ADAMTS6: variants seen among roughly 807,000 people sequenced by gnomAD.
ADAMTS6 encodes the protein ADAM metallopeptidase with thrombospondin type 1 motif 6.
Under a neutral mutation model 144.3 loss-of-function variants are expected in ADAMTS6, and 23 were observed. The observed-to-expected ratio is 0.16, with a 90% CI of 0.11 to 0.23. The LOEUF is 0.23. Among genes scored for constraint, ADAMTS6 ranks in the 10% least tolerant of loss-of-function variants. The pLI, the probability that ADAMTS6 is intolerant of heterozygous loss-of-function variation, is 1.00. For missense variants in ADAMTS6, 999 were observed against 1,379.6 expected, an observed-to-expected ratio of 0.72 and a Z score of 4.37; for synonymous variants, 444 against 457.5, an observed-to-expected ratio of 0.97 and a Z score of 0.38.
At chr5:65,224,889 A>G in intron 17 of ADAMTS6, 35 bp downstream of exon 17, 1 of 1,588,674 alleles carries the variant, frequency 6.3e-7, no homozygotes, top group Non-Finnish European at 8.5e-7. Context: ...CAAGTACACC[A>G]GAGGTGTGAG....
At chr5:65,245,529 A>C (rs1759551047) in intron 14 of ADAMTS6, among the ~76,000 whole-genome samples, 1 of 152,116 alleles carries the variant, frequency 6.6e-6, no homozygotes, top group African/African-American at 2.4e-5. Context: ...CCATGTAATC[A>C]ATTTCCTGCA....
intron 15 of ADAMTS6, among the ~76,000 whole-genome samples, chr5:65,228,957 A>G (rs1483904383): frequency 6.6e-6 from 1 of 152,214 alleles, no homozygotes; most frequent in Admixed American, 6.5e-5. Flanking sequence ...TGTTTTGCCT[A>G]TGGGCCACCT....
At chr5:65,210,837 G>A in intron 20 of ADAMTS6, 1 of 400,646 alleles carries the variant, frequency 2.5e-6, no homozygotes, top group South Asian at 4.1e-5. Context: ...TGGGGAAGAT[G>A]TATAAGAAAG....
intron 10 of ADAMTS6, among the ~76,000 whole-genome samples, chr5:65,295,680 A>G (rs1303940205): frequency 1.3e-5 from 2 of 152,074 alleles, no homozygotes; most frequent in Non-Finnish European, 2.9e-5. Context: ...CCTAGTTAAT[A>G]TCGACAGCAA....
intron 7 of ADAMTS6, among the ~76,000 whole-genome samples, chr5:65,422,191 T>C (rs531408101): frequency 7.9e-5 from 12 of 151,988 alleles, no homozygotes; most frequent in Non-Finnish European, 1.6e-4. Context: ...GGCCAAAAAA[T>C]ATATGAAAAA....
intron 7 of ADAMTS6, among the ~76,000 whole-genome samples, chr5:65,404,041 A>T (rs1221814687): frequency 6.6e-6 from 1 of 152,158 alleles, no homozygotes; most frequent in East Asian, 1.9e-4. Flanking sequence ...TTGGCAATGA[A>T]ATCCAGAGAT....
intron 22 of ADAMTS6, among the ~76,000 whole-genome samples, chr5:65,181,325 T>C (rs1321874594): frequency 6.6e-6 from 1 of 152,230 alleles, no homozygotes; most frequent in African/African-American, 2.4e-5. Context: ...CCACTTGTTT[T>C]AATCCTCTTC....
At chr5:65,371,713 G>C (rs1004410125) in intron 7 of ADAMTS6, among the ~76,000 whole-genome samples, 1 of 152,152 alleles carries the variant, frequency 6.6e-6, no homozygotes, top group Non-Finnish European at 1.5e-5. Flanking sequence ...TATTATCCAG[G>C]AGAACTTCCC....
At chr5:65,425,647 C>T (rs1403080814) in intron 7 of ADAMTS6, among the ~76,000 whole-genome samples, 1 of 152,092 alleles carries the variant, frequency 6.6e-6, no homozygotes, top group Non-Finnish European at 1.5e-5. Context: ...GTCCTTGGTG[C>T]AATTTAGCCA....
chr5:65,197,800 A>G (rs1008129344), intron 20 of ADAMTS6, among the ~76,000 whole-genome samples: 1 of 152,232 alleles, frequency 6.6e-6, no homozygotes, highest in Non-Finnish European at 1.5e-5. Context: ...AAATACATAC[A>G]TACACAGTTC....
At chr5:65,476,496 C>T (rs1760848913) in intron 1 of ADAMTS6, among the ~76,000 whole-genome samples, 4 of 152,240 alleles carry the variant, frequency 2.6e-5, no homozygotes, top group Admixed American at 1.3e-4. Flanking sequence ...AGCCCAGATT[C>T]ACACAAGGCT....
At chr5:65,342,142 G>C (rs1747900107) in intron 7 of ADAMTS6, among the ~76,000 whole-genome samples, 2 of 151,990 alleles carry the variant, frequency 1.3e-5, no homozygotes, top group South Asian at 4.2e-4. Context: ...ATTCAATATT[G>C]TTTAATGATA....
intron 3 of ADAMTS6, among the ~76,000 whole-genome samples, chr5:65,463,937 T>A (rs975920678): frequency 2.6e-5 from 4 of 152,202 alleles, no homozygotes; most frequent in Admixed American, 2.6e-4. Context: ...CTCACTGTCA[T>A]TTCCAAACAA....
chr5:65,463,531 C>G (rs753053297), intron 3 of ADAMTS6, among the ~76,000 whole-genome samples: 38 of 152,220 alleles, frequency 2.5e-4, no homozygotes, highest in Non-Finnish European at 4.7e-4. Context: ...CCTCAGTATC[C>G]CCATTCACCT....
intron 4 of ADAMTS6, among the ~76,000 whole-genome samples, chr5:65,459,582 A>G (rs1371741035): frequency 6.6e-6 from 1 of 152,224 alleles, no homozygotes; most frequent in Admixed American, 6.5e-5. Context: ...CTTCATAAAC[A>G]CTATTTCCTC....
At chr5:65,257,401 C>A (rs1760778014) in intron 14 of ADAMTS6, among the ~76,000 whole-genome samples, 1 of 152,130 alleles carries the variant, frequency 6.6e-6, no homozygotes, top group Non-Finnish European at 1.5e-5. Flanking sequence ...CTCTCTCACC[C>A]TGTATTTCCT....
chr5:65,432,107 A>G (rs1043232549), intron 7 of ADAMTS6, among the ~76,000 whole-genome samples: 3 of 152,098 alleles, frequency 2.0e-5, no homozygotes, highest in Non-Finnish European at 4.4e-5. Context: ...AACTTATGAA[A>G]TAAGAATAAA....
intron 7 of ADAMTS6, among the ~76,000 whole-genome samples, chr5:65,410,517 T>C (rs994453899): frequency 2.0e-5 from 3 of 152,034 alleles, no homozygotes; most frequent in South Asian, 4.1e-4. Context: ...TTTATTTTCC[T>C]ATGGAAAGAA....
intron 1 of ADAMTS6, among the ~76,000 whole-genome samples, chr5:65,478,834 C>T (rs1761018677): frequency 6.6e-6 from 1 of 152,212 alleles, no homozygotes; most frequent in Non-Finnish European, 1.5e-5. Context: ...AACACAAATG[C>T]ACCAGGCAGT....
Sources: gnomAD v4.1 joint callset for allele counts (sites outside exome capture counted in the v4.1 genomes callset) on GRCh38, gnomAD v4.1.1 for gene constraint, MANE v1.5 for transcripts, NCBI Gene and HGNC (gene_info 2026-07-23, HGNC 2026-07-21) for gene names.